The following KCNH7 variants were observed in gnomAD, a reference collection of about 807,000 sequenced individuals.
KCNH7 encodes potassium voltage-gated channel subfamily H member 7.
A neutral mutation model predicts 120.8 loss-of-function variants in KCNH7; 49 were observed. That is an observed-to-expected ratio of 0.41 (90% CI 0.32 to 0.51). The LOEUF (loss-of-function observed/expected upper bound fraction) is 0.51. KCNH7 is among the 20% of genes least tolerant of loss of function. The pLI is 0.38. For synonymous variants in KCNH7, 547 were observed against 516.1 expected, an observed-to-expected ratio of 1.06 and a Z score of -0.81; for missense variants, 1,097 against 1,446.6, an observed-to-expected ratio of 0.76 and a Z score of 3.92.
chr2:162,454,778 C>G, intron 6 of KCNH7, among the ~76,000 whole-genome samples: 1 of 152,064 alleles, frequency 6.6e-6, no homozygotes, highest in South Asian at 2.1e-4. Flanking sequence ...CGTTTTTGCA[C>G]ATTGATTTTG....
At chr2:162,581,283 A>T (rs556743101) in intron 2 of KCNH7, among the ~76,000 whole-genome samples, 1 of 152,240 alleles carries the variant, frequency 6.6e-6, no homozygotes, top group South Asian at 2.1e-4. Flanking sequence ...CATACTGCAC[A>T]ACTTACTTTG....
At chr2:162,374,712 T>TC (rs1686099490) in intron 14 of KCNH7, among the ~76,000 whole-genome samples, 1 of 152,094 alleles carries the variant, frequency 6.6e-6, no homozygotes, top group Non-Finnish European at 1.5e-5. Flanking sequence ...GAAAATATCT[T>TC]CTTTTTTTTT....
At chr2:162,503,967 AC>A (rs112664978) in intron 6 of KCNH7, among the ~76,000 whole-genome samples, 3,878 of 152,136 alleles carry the variant, frequency 0.025, 174 homozygotes, top group African/African-American at 0.088. Flanking sequence ...TGTTCCACTG[AC>A]TTTTCATCAT....
chr2:162,400,047 T>G, intron 10 of KCNH7, 142 bp downstream of exon 10: 1 of 928,286 alleles, frequency 1.1e-6, no homozygotes, highest in Non-Finnish European at 1.6e-6. Flanking sequence ...TTGAACTGAA[T>G]TTTAAATGCA....
At chr2:162,827,337 A>G (rs775638403) in intron 2 of KCNH7, among the ~76,000 whole-genome samples, 1 of 152,118 alleles carries the variant, frequency 6.6e-6, no homozygotes, top group Non-Finnish European at 1.5e-5. Flanking sequence ...CTACCTGACT[A>G]TGTGGATAAA....
rs534973168 is a variant in KCNH7 at position 162,510,575 on chromosome 2, C to T, written c.913+2079G>A. 2.0e-5 allele frequency among the ~76,000 whole-genome samples: 3 copies of T among 151,752 alleles called. No individual in the cohort carries two copies. In the South Asian group the frequency reaches 6.2e-4, roughly 31 times the overall value. On this transcript the variant is annotated intron_variant, in intron 5 of 15. Transcript: ENST00000332142. ...CAGATGATATTGAAGACATTACCAACACATTCCTACGTTATTTATTTAATT... is the reference window on the plus strand; with the variant it reads ...CAGATGATATTGAAGACATTACCAATACATTCCTACGTTATTTATTTAATT...
chr2:162,425,599 C>T lies in KCNH7; in HGVS notation c.1955-2064G>A, dbSNP rs1188456827. ...AGTGGGGAAACAATTACGTGTGATG[C>T]TATGTTTCCAAAATACCTATCATGT... On this transcript the variant is annotated intron_variant, in intron 8 of 15. Transcript: ENST00000332142. Among the ~76,000 whole-genome samples, 4 of 152,088 alleles carry T rather than the reference C, an allele frequency of 2.6e-5. No homozygotes were observed. The East Asian group carries it at 5.8e-4, about 22-fold the overall frequency.
At chr2:162,544,131 G>A (rs1692400860) in intron 2 of KCNH7, among the ~76,000 whole-genome samples, 2 of 152,092 alleles carry the variant, frequency 1.3e-5, no homozygotes, top group Admixed American at 6.6e-5. Flanking sequence ...TTGCAGTGAT[G>A]AGGCCCTTGG....
chr2:162,504,925 A>T (rs769463140), intron 5 of KCNH7, among the ~76,000 whole-genome samples: 3 of 152,002 alleles, frequency 2.0e-5, no homozygotes, highest in Non-Finnish European at 2.9e-5. Flanking sequence ...TTTCATTAAA[A>T]GCTAGAATAA....
intron 7 of KCNH7, 146 bp from the exon 8 acceptor site, chr2:162,435,743 CT>C (rs543612496): frequency 8.8e-3 from 5,489 of 623,336 alleles, no homozygotes; most frequent in South Asian, 0.019. Context: ...AAACTTGGTT[CT>C]TTTTTTTTTA....
chr2:162,738,110 C>A (rs1416474873), intron 2 of KCNH7, among the ~76,000 whole-genome samples: 3 of 148,638 alleles, frequency 2.0e-5, no homozygotes, highest in Non-Finnish European at 4.5e-5. Flanking sequence ...AAAAGAACAG[C>A]TCTACTTTTT....
intron 2 of KCNH7, among the ~76,000 whole-genome samples, chr2:162,640,490 C>A (rs993573149): frequency 2.0e-5 from 3 of 149,652 alleles, no homozygotes; most frequent in Non-Finnish European, 2.9e-5. Context: ...AATTGGACAT[C>A]CCATATACAT....
intron 2 of KCNH7, among the ~76,000 whole-genome samples, chr2:162,687,900 T>C (rs972369164): frequency 2.0e-5 from 3 of 152,122 alleles, no homozygotes; most frequent in Admixed American, 2.0e-4. Context: ...ACAATGCAGG[T>C]TAATGTTATC....
chr2:162,585,994 T>TA (rs1694009092), intron 2 of KCNH7, among the ~76,000 whole-genome samples: 1 of 152,074 alleles, frequency 6.6e-6, no homozygotes, highest in African/African-American at 2.4e-5. Context: ...ATTTTCCTTT[T>TA]AAAAAAATTA....
At position 162,396,768 on chromosome 2, in the gene KCNH7, G is replaced by T. The variant is rs747298050; in HGVS notation, c.2585C>A (p.Thr862Asn). 6.2e-7 allele frequency: 1 copy of T among 1,611,144 alleles called. No individual in the cohort carries two copies. The highest frequency in any genetic ancestry group is 1.3e-5 in the African/African-American group (1 of 74,768). Residue 862 changes from threonine (T) to asparagine (N), a missense_variant, in exon 11 of 16, where the codon ACT becomes AAT. Physicochemically the swap from Thr to Asn is moderately conservative, Grantham distance 65. Coordinates refer to ENST00000332142, the MANE Select transcript of KCNH7 (RefSeq NM_033272.4). ...SDHFLTNLEL[T>N]FNLRHESAKA... is the part of the protein sequence containing the mutation. ...TGCGCTCTCATGCCTTAGGTTGAAA[G>T]TCAACTCTAGGTTTGTTAGAAAGTG...
chr2:162,770,617 CTATTA>C (rs1683010524), intron 2 of KCNH7, among the ~76,000 whole-genome samples: 1 of 152,014 alleles, frequency 6.6e-6, no homozygotes, highest in African/African-American at 2.4e-5. Flanking sequence ...GAAACTGTGA[CTATTA>C]TATGATTCGG....
intron 6 of KCNH7, among the ~76,000 whole-genome samples, chr2:162,474,774 C>T (rs1479122104): frequency 6.6e-6 from 1 of 151,934 alleles, no homozygotes; most frequent in East Asian, 1.9e-4. Context: ...TCATCTGAGG[C>T]AGCCAACAGC....
chr2:162,832,071 T>G (rs1685497657), intron 2 of KCNH7, among the ~76,000 whole-genome samples: 1 of 152,176 alleles, frequency 6.6e-6, no homozygotes, highest in African/African-American at 2.4e-5. Flanking sequence ...ATATAAAATT[T>G]GGGCACATAA....
intron 9 of KCNH7, among the ~76,000 whole-genome samples, chr2:162,408,883 T>C (rs1687306025): frequency 6.6e-6 from 1 of 151,866 alleles, no homozygotes; most frequent in Non-Finnish European, 1.5e-5. Context: ...GATAATTTTG[T>C]GATAAAAAAT....
Sources: gnomAD v4.1 joint callset for allele counts (sites outside exome capture counted in the v4.1 genomes callset) on GRCh38, gnomAD v4.1.1 for gene constraint, MANE v1.5 for transcripts, NCBI Gene and HGNC (gene_info 2026-07-23, HGNC 2026-07-21) for gene names.